ISLR2: variants seen among roughly 807,000 people sequenced by gnomAD.
The protein encoded by ISLR2 is immunoglobulin superfamily containing leucine-rich repeat protein 2.
In ISLR2, 16 loss-of-function variants were observed where a neutral mutation model predicts 25.5. The ratio of observed to expected loss-of-function variants is 0.63; its 90% CI spans 0.43 to 0.95. ISLR2 has a LOEUF of 0.95. ISLR2 is among the 40% of genes least tolerant of loss of function. The probability of loss-of-function intolerance (pLI) is 0.00; values close to 1 mark genes in which losing one functional copy is unlikely to be tolerated. For synonymous variants in ISLR2, 508 were observed against 486.6 expected (o/e 1.04, Z -0.58); for missense variants, 883 against 1,030.7 (o/e 0.86, Z 1.96).
chr15:74,107,062 G>T (rs749870784), intron 2 of ISLR2, among the ~76,000 whole-genome samples: 19 of 151,310 alleles, frequency 1.3e-4, no homozygotes, highest in African/African-American at 3.9e-4. Context: ...TGGAGGGACT[G>T]GGGGGAGCAA....
At chr15:74,122,158 T>G (rs1239147951) in intron 2 of ISLR2, among the ~76,000 whole-genome samples, 1 of 152,184 alleles carries the variant, frequency 6.6e-6, no homozygotes, top group Non-Finnish European at 1.5e-5. Context: ...CCAGATAGGC[T>G]GGGGACATTT....
At chr15:74,138,744 C>T (rs2072594854), downstream of ISLR2, among the ~76,000 whole-genome samples, 1 of 152,238 alleles carries the variant, frequency 6.6e-6, no homozygotes, top group South Asian at 2.1e-4. Context: ...CTCCTGGTCA[C>T]AGCCCAACAC....
At position 74,134,564 on chromosome 15, in the gene ISLR2, G is replaced by A; in HGVS notation, c.1810G>A (p.Ala604Thr). Reference protein sequence around the residue: ...VAVSVFLLVLATVPLLGAACC... With the variant: ...VAVSVFLLVLTTVPLLGAACC... ...AGTGAGCGTATTCCTCCTGGTGCTG[G>A]CCACAGTGCCCCTTCTGGGCGCCGC... The change falls in exon 3 of 3, where the codon GCC (alanine) becomes ACC (threonine). Residue 604 changes from alanine (A) to threonine (T), a missense_variant. Coordinates refer to ENST00000453268, the MANE Select transcript of ISLR2 (RefSeq NM_020851.3). 6.2e-7 allele frequency: 1 copy of A among 1,614,124 alleles called. No homozygotes were observed. The highest frequency in any genetic ancestry group is 8.5e-7 in the Non-Finnish European group (1 of 1,180,018).
At chr15:74,103,696 T>TC (rs1231855831) in intron 1 of ISLR2, 1 of 134,054 alleles carries the variant, frequency 7.5e-6, no homozygotes, top group Non-Finnish European at 1.6e-5. Context: ...TGGTTCTGTG[T>TC]CCCCATCCAA....
chr15:74,121,293 G>A (rs28503548), intron 2 of ISLR2, among the ~76,000 whole-genome samples: 2,864 of 152,208 alleles, frequency 0.019, 95 homozygotes, highest in African/African-American at 0.065. Context: ...CAAGTTCCCA[G>A]CTGAGTCTGG....
Position 74,133,492 on chromosome 15 carries a change from C to G in ISLR2, c.738C>G (p.Pro246=), listed in dbSNP as rs375550303. 2.4e-5 allele frequency: 39 copies of G among 1,613,586 alleles called. No individual in the cohort carries two copies. The highest frequency in any genetic ancestry group is 3.3e-5 in the Non-Finnish European group (39 of 1,179,948). Reference sequence around the variant, plus strand: ...GTGCCGAGCCACCGCTTGAAGCACCCGGCACCCCACTGCGCGCAGGACTGG... The same window carrying G: ...GTGCCGAGCCACCGCTTGAAGCACCGGGCACCCCACTGCGCGCAGGACTGG... ...HLSAEPPLEA[P]GTPLRAGLAF... is the part of the protein sequence containing the mutation. Residue 246 remains proline, a synonymous_variant, in exon 3 of 3, where the codon CCC becomes CCG. Transcript: ENST00000453268.
chr15:74,114,435 A>C (rs1354755768), intron 2 of ISLR2, among the ~76,000 whole-genome samples: 3 of 152,186 alleles, frequency 2.0e-5, no homozygotes, highest in African/African-American at 7.2e-5. Flanking sequence ...ACACAGGAAA[A>C]AATGTTTAAC....
intron 1 of ISLR2, 81 bp downstream of exon 1, chr15:74,130,702 C>A (rs553238186): frequency 5.2e-5 from 8 of 152,446 alleles, no homozygotes; most frequent in African/African-American, 1.4e-4. Flanking sequence ...CGTGAAAATG[C>A]GTGTGAATGT....
chr15:74,132,771 C>A lies in ISLR2; in HGVS notation c.17C>A (p.Ala6Asp), dbSNP rs1422027577. 5 of 1,610,718 alleles carry A rather than the reference C, an allele frequency of 3.1e-6. No individual in the cohort carries two copies. Among genetic ancestry groups the A allele is most frequent in the Non-Finnish European group, 1.7e-6 (2 of 1,177,254 alleles). Residue 6 changes from alanine (A) to aspartate (D), a missense_variant, in exon 3 of 3, where the codon GCC becomes GAC. This residue lies in a region of ISLR2 where 271 missense variants were observed against 387.9 expected (regional missense o/e 0.70). Transcript: ENST00000453268. This position sits in a 1 kb window ranked among gnomAD's most constrained non-coding sequence, Gnocchi z 4.3. MFPLR[A>D]LWLVWALLGV... The stretch of plus-strand genomic sequence containing the variant: ...GGAGCCGCGATGTTCCCCCTTCGGG[C>A]CCTGTGGTTGGTCTGGGCGCTTCTA...
downstream of ISLR2, among the ~76,000 whole-genome samples, chr15:74,137,123 A>G (rs2072578023): frequency 6.6e-6 from 1 of 152,154 alleles, no homozygotes; most frequent in Non-Finnish European, 1.5e-5. Flanking sequence ...TTTGCACTCA[A>G]GGGTGTGCGG....
rs142906631 is a variant in ISLR2, at chr15:74,133,728, C to T, written c.974C>T (p.Ala325Val). ...QTPTPAPAWP[A>V]PPATPRFLAL... The stretch of plus-strand genomic sequence containing the variant: ...CCGACTCCAGCACCCGCTTGGCCGG[C>T]GCCCCCAGCCACACCGCGCTTCCTG... The change falls in exon 3 of 3, where the codon GCG becomes GTG. Residue 325 changes from alanine to valine, a missense_variant. Physicochemically the swap from Ala to Val is moderately conservative, Grantham distance 64 (BLOSUM62 0). This residue lies in a region of ISLR2 where 612 missense variants were observed against 642.8 expected (regional missense o/e 0.95). Transcript: ENST00000453268. The T allele has an allele frequency of 3.3e-4, 536 of 1,609,588 alleles. No individual in the cohort carries two copies. The highest frequency in any genetic ancestry group is 4.4e-4 in the Non-Finnish European group (517 of 1,178,038).
chr15:74,135,008 G>A lies in ISLR2; in HGVS notation c.*16G>A. ...GGCAGGCTGAACCTCCGCCCGTCCG[G>A]CCCGCCCATTCCCGACCTCCACCTA... On this transcript the variant is annotated 3_prime_UTR_variant, in exon 3 of 3. Coordinates refer to ENST00000453268, the MANE Select transcript of ISLR2 (RefSeq NM_020851.3). 1.2e-6 allele frequency: 2 copies of A among 1,605,728 alleles called. No homozygotes were observed. The highest frequency in any genetic ancestry group is 2.2e-5 in the East Asian group (1 of 44,764).
chr15:74,140,044 G>C (rs978622866), downstream of ISLR2, among the ~76,000 whole-genome samples: 7 of 152,096 alleles, frequency 4.6e-5, no homozygotes, highest in African/African-American at 1.4e-4. Flanking sequence ...CCTTGAATCA[G>C]ATCAGAAACC....
Position 74,134,947 on chromosome 15 carries a change from C to T in ISLR2, c.2193C>T (p.Asn731=). 1.2e-6 allele frequency: 2 copies of T among 1,613,954 alleles called. No homozygotes were observed. The highest frequency in any genetic ancestry group is 1.3e-5 in the African/African-American group (1 of 75,064). Residue 731 remains asparagine, a synonymous_variant, in exon 3 of 3, where the codon AAC becomes AAT. Coordinates refer to ENST00000453268, the MANE Select transcript of ISLR2 (RefSeq NM_020851.3). ...DRLPLGAEAV[N]IAQEINGNYR... is the part of the protein sequence containing the mutation. ...TGCCCCTGGGCGCCGAGGCGGTCAA[C>T]ATCGCCCAGGAGATTAATGGCAACT...
chr15:74,114,307 C>T (rs1019630351), intron 2 of ISLR2, among the ~76,000 whole-genome samples: 9 of 151,984 alleles, frequency 5.9e-5, no homozygotes, highest in East Asian at 1.9e-4. Flanking sequence ...ATTCGAAGTA[C>T]GATTAATATC....
At chr15:74,106,763 C>T (rs1250206676) in intron 2 of ISLR2, among the ~76,000 whole-genome samples, 1 of 152,086 alleles carries the variant, frequency 6.6e-6, no homozygotes, top group African/African-American at 2.4e-5. Flanking sequence ...CACCTGGGGG[C>T]CCGGACACCC....
chr15:74,104,774 T>C (rs1439717060), intron 2 of ISLR2, among the ~76,000 whole-genome samples: 1 of 150,968 alleles, frequency 6.6e-6, no homozygotes, highest in Non-Finnish European at 1.5e-5. Context: ...CTGTTGCATA[T>C]GGGGTCTTGC....
At chr15:74,139,479 A>G (rs2072599185), downstream of ISLR2, among the ~76,000 whole-genome samples, 5 of 152,006 alleles carry the variant, frequency 3.3e-5, no homozygotes, top group Admixed American at 3.3e-4. Context: ...TCAACTACCA[A>G]TTTGAGGTTG....
chr15:74,129,074 G>A (rs1450113059), upstream of ISLR2: 1 of 456,664 alleles, frequency 2.2e-6, no homozygotes, highest in Admixed American at 2.3e-5. This position sits in a 1 kb window ranked among gnomAD's most constrained non-coding sequence, Gnocchi z 4.5. Context: ...CCTGAAAGGC[G>A]CCTTGCGCCC....
Sources: allele counts gnomAD v4.1 joint callset (sites outside exome capture counted in the v4.1 genomes callset), GRCh38; gene constraint gnomAD v4.1.1; regional missense constraint gnomAD v4.1.1; non-coding constraint Gnocchi (gnomAD v3.1); transcripts MANE v1.5; gene names NCBI Gene and HGNC (gene_info 2026-07-23, HGNC 2026-07-21).